TRHDE: variants seen among roughly 807,000 people sequenced by gnomAD.
The protein encoded by TRHDE is thyrotropin-releasing hormone-degrading ectoenzyme.
In TRHDE, 72 loss-of-function variants were observed where a neutral mutation model predicts 125.7. That is an observed-to-expected ratio of 0.57 (90% confidence interval 0.47 to 0.70). The LOEUF is 0.70. Ranked by LOEUF, TRHDE falls within the 30% of genes least tolerant of loss-of-function variation. TRHDE has a pLI of 0.00. For missense variants in TRHDE, 1,110 were observed against 1,327.1 expected (o/e 0.84, Z 2.54); for synonymous variants, 509 against 509.1 (o/e 1.00, Z 0.00).
chr12:72,631,066 C>T (rs926026720), intron 15 of TRHDE, among the ~76,000 whole-genome samples: 11 of 150,324 alleles, frequency 7.3e-5, no homozygotes, highest in African/African-American at 2.4e-4. Context: ...TTATTTTATC[C>T]TATTTAATAG....
chr12:72,136,235 A>C (rs1470275932), intron 2 of TRHDE, among the ~76,000 whole-genome samples: 1 of 152,190 alleles, frequency 6.6e-6, no homozygotes, highest in African/African-American at 2.4e-5. Context: ...GTGCACTGTA[A>C]TGGAACAGAA....
In TRHDE at chr12:72,106,425, T is replaced by C. The variant is rs1370054314; in HGVS notation, n.279+673T>C. On this transcript the variant is annotated intron_variant and non_coding_transcript_variant, in intron 2 of 4. Transcript: ENST00000548156. ...AAAAGGGGTGAGTTAAAAGGAAATA[T>C]ATACTGAGAATAACAGATATGAGAG... Among the ~76,000 whole-genome samples the C allele has an allele frequency of 2.6e-5, 4 of 152,076 alleles. No homozygotes were observed. The East Asian group carries it at 7.7e-4, about 29-fold the overall frequency.
chr12:72,105,288 G>A (rs1182592954), intron 1 of TRHDE, among the ~76,000 whole-genome samples: 1 of 152,110 alleles, frequency 6.6e-6, no homozygotes, highest in African/African-American at 2.4e-5. Context: ...GGTGGGACTG[G>A]AACAGGAATT....
At chr12:72,509,282 A>G (rs1878487898) in intron 6 of TRHDE, among the ~76,000 whole-genome samples, 1 of 148,462 alleles carries the variant, frequency 6.7e-6, no homozygotes, top group African/African-American at 2.5e-5. Context: ...ACCCCCCCGC[A>G]CACACAAAAT....
chr12:72,305,025 C>T (rs750390540), intron 2 of TRHDE, among the ~76,000 whole-genome samples: 19 of 150,226 alleles, frequency 1.3e-4, no homozygotes, highest in African/African-American at 3.4e-4. Flanking sequence ...AGAGCACATG[C>T]GAGAGAGAGA....
chr12:72,273,546 C>G lies in TRHDE; in HGVS notation c.903C>G (p.His301Gln), dbSNP rs770620065. ...TCTTCCGCAGCTCCTATGTGCTCCA[C>G]GGGGAGAGAAGGTATGGAGGGAGGC... ...LGFFRSSYVL[H>Q]GERRFLGVTQ... is the part of the protein sequence containing the mutation. The change falls in exon 1 of 19, where the codon CAC (histidine) becomes CAG (glutamine). Residue 301 changes from histidine to glutamine, a missense_variant. This residue lies in a region of TRHDE where 252 missense variants were observed against 274.8 expected (regional missense o/e 0.92). Transcript: ENST00000261180. The surrounding 1 kb of genome is among the most constrained non-coding windows in gnomAD (Gnocchi z 5.3). The G allele has an allele frequency of 3.1e-6, 5 of 1,597,096 alleles. No homozygotes were observed. Among genetic ancestry groups the G allele is most frequent in the Non-Finnish European group, 4.3e-6 (5 of 1,176,380 alleles).
intron 5 of TRHDE, among the ~76,000 whole-genome samples, chr12:72,481,077 G>A (rs1346184233): frequency 6.6e-6 from 1 of 151,778 alleles, no homozygotes; most frequent in Non-Finnish European, 1.5e-5. Context: ...TAAAAGCTGG[G>A]GACTCAGAGG....
At chr12:72,249,635 G>A (rs1262011742) in intron 2 of TRHDE, among the ~76,000 whole-genome samples, 2 of 152,242 alleles carry the variant, frequency 1.3e-5, no homozygotes, top group East Asian at 3.9e-4. Flanking sequence ...ACACCAGAAT[G>A]GCTACAATAA....
chr12:72,539,988 CATG>C (rs1357456055), intron 6 of TRHDE, among the ~76,000 whole-genome samples: 2 of 151,594 alleles, frequency 1.3e-5, no homozygotes, highest in Admixed American at 1.3e-4. Flanking sequence ...GTTTTAAAGG[CATG>C]ATGAAAAAGG....
rs551577848 is a variant in TRHDE at position 72,361,188 on chromosome 12, C to CT, written c.1189-16799dup. 3.6e-3 allele frequency among the ~76,000 whole-genome samples: 543 copies of CT among 151,600 alleles called. 7 individuals carry two copies. Among genetic ancestry groups the CT allele is most frequent in the South Asian group, 0.01 (49 of 4,808 alleles). On this transcript the variant is annotated intron_variant, in intron 2 of 18. Transcript: ENST00000261180. ...TCTTCTGTGGAATTGCTCTTTAAAG[C>CT]TTTTTTTTGTGCCCTTCACACCGTT... is the stretch of plus-strand genomic sequence containing the variant.
At chr12:72,314,520 A>G (rs527574498) in intron 2 of TRHDE, among the ~76,000 whole-genome samples, 1 of 152,300 alleles carries the variant, frequency 6.6e-6, no homozygotes, top group African/African-American at 2.4e-5. Context: ...CACCGTACAT[A>G]GATATGAATT....
chr12:72,602,053 G>A (rs1197702753), intron 12 of TRHDE, among the ~76,000 whole-genome samples: 1 of 152,076 alleles, frequency 6.6e-6, no homozygotes, highest in Non-Finnish European at 1.5e-5. Flanking sequence ...TATCCTATCA[G>A]AGCTTCATGA....
At chr12:72,661,399 A>G (rs1874910793) in intron 18 of TRHDE, among the ~76,000 whole-genome samples, 1 of 152,154 alleles carries the variant, frequency 6.6e-6, no homozygotes, top group Admixed American at 6.6e-5. Context: ...GAAAAAAAGT[A>G]ATAATTCAGA....
intron 2 of TRHDE, among the ~76,000 whole-genome samples, chr12:72,223,386 G>A (rs1878038795): frequency 6.6e-6 from 1 of 152,054 alleles, no homozygotes; most frequent in African/African-American, 2.4e-5. Context: ...CCCTGATACT[G>A]TGACTGGTAA....
chr12:72,187,252 C>T (rs1486828474), intron 2 of TRHDE, among the ~76,000 whole-genome samples: 1 of 149,478 alleles, frequency 6.7e-6, no homozygotes, highest in African/African-American at 2.5e-5. Flanking sequence ...AAAAGCTCAG[C>T]AAGCTGAAAT....
chr12:72,373,445 G>A (rs979289312), intron 2 of TRHDE, among the ~76,000 whole-genome samples: 5 of 152,154 alleles, frequency 3.3e-5, no homozygotes, highest in African/African-American at 1.2e-4. Context: ...GGAGTGGTGA[G>A]AGAGGGCATC....
intron 1 of TRHDE, among the ~76,000 whole-genome samples, chr12:72,103,453 C>T (rs180754908): frequency 1.8e-4 from 28 of 152,170 alleles, no homozygotes; most frequent in Admixed American, 1.4e-3. Flanking sequence ...AGCTAGGTAT[C>T]AATAGCAGTA....
intron 7 of TRHDE, among the ~76,000 whole-genome samples, chr12:72,555,996 A>G (rs1457442827): frequency 6.6e-6 from 1 of 152,156 alleles, no homozygotes; most frequent in African/African-American, 2.4e-5. Flanking sequence ...TCTGCCCCCC[A>G]GTCTATAGAA....
At chr12:72,630,978 G>C (rs919550294) in intron 15 of TRHDE, among the ~76,000 whole-genome samples, 2 of 147,812 alleles carry the variant, frequency 1.4e-5, no homozygotes, top group Non-Finnish European at 3.0e-5. Context: ...CTAATGACTT[G>C]AGATTCCACT....
Sources: allele counts gnomAD v4.1 joint callset (sites outside exome capture counted in the v4.1 genomes callset), GRCh38; gene constraint gnomAD v4.1.1; regional missense constraint gnomAD v4.1.1; non-coding constraint Gnocchi (gnomAD v3.1); transcripts MANE v1.5; gene names NCBI Gene and HGNC (gene_info 2026-07-23, HGNC 2026-07-21).